Variants in FGGY observed in about 807,000 individuals in gnomAD.
FGGY encodes FGGY carbohydrate kinase domain-containing protein.
A neutral mutation model predicts 71.3 loss-of-function variants in FGGY; 72 were observed. That is an observed-to-expected ratio of 1.01 (90% CI 0.84 to 1.23). The LOEUF (loss-of-function observed/expected upper bound fraction) is 1.23, where lower values mean the gene tolerates loss of function less well. Among genes scored for constraint, FGGY ranks in the 50% most tolerant of loss-of-function variants. The pLI, the probability that FGGY is intolerant of heterozygous loss-of-function variation, is 0.00. For synonymous variants in FGGY, 251 were observed against 250.3 expected (o/e 1.00, Z -0.02); for missense variants, 668 against 682.3 (o/e 0.98, Z 0.23).
chr1:59,309,971 GAA>G lies in FGGY; in HGVS notation c.-14-11550_-14-11549del, dbSNP rs36112664. 1.9e-3 allele frequency: 225 copies of G among 120,532 alleles called. 1 individual carries two copies. Among genetic ancestry groups the G allele is most frequent in the African/African-American group, 5.8e-3 (193 of 33,010 alleles). The allele number at this position is 120,532 out of a possible 1,614,324, so 7.5% of individuals were successfully genotyped here. A position where few individuals can be genotyped will look rare whatever the true frequency, so the allele number is the denominator to read the frequency against. On this transcript the variant is annotated intron_variant, in intron 1 of 15. Coordinates refer to ENST00000303721, the MANE Select transcript of FGGY (RefSeq NM_018291.5). The stretch of plus-strand genomic sequence containing the variant: ...ACTCCAGCATGGGTGACAGAGTGAG[GAA>G]AAAAAAAAAAAAAAGCTACCAGACC...
At chr1:59,581,208 A>G (rs1196108221) in intron 8 of FGGY, among the ~76,000 whole-genome samples, 1 of 150,094 alleles carries the variant, frequency 6.7e-6, no homozygotes, top group Non-Finnish European at 1.5e-5. Context: ...AAAAATTCAC[A>G]GATGAACAAA....
At chr1:59,584,867 A>G (rs1423300355) in intron 8 of FGGY, among the ~76,000 whole-genome samples, 1 of 149,982 alleles carries the variant, frequency 6.7e-6, no homozygotes, top group Non-Finnish European at 1.5e-5. Flanking sequence ...GCATTCTTAT[A>G]CACCAGTACA....
chr1:59,534,807 G>A (rs1021895623), intron 7 of FGGY, among the ~76,000 whole-genome samples: 11 of 152,092 alleles, frequency 7.2e-5, no homozygotes, highest in East Asian at 1.9e-4. Context: ...CACCAGGCCT[G>A]CCCTAAAAGA....
chr1:59,565,575 C>T (rs184821222), intron 8 of FGGY, among the ~76,000 whole-genome samples: 11 of 152,322 alleles, frequency 7.2e-5, no homozygotes, highest in African/African-American at 1.4e-4. Context: ...TGAGCCACCG[C>T]GCCTGGCCGT....
At chr1:59,399,465 C>T (rs911542696) in intron 5 of FGGY, among the ~76,000 whole-genome samples, 1 of 152,136 alleles carries the variant, frequency 6.6e-6, no homozygotes, top group African/African-American at 2.4e-5. Context: ...AGTTAAGAAA[C>T]TTTCCCATAG....
At chr1:59,731,792 C>T (rs2098033854) in intron 14 of FGGY, among the ~76,000 whole-genome samples, 3 of 152,000 alleles carry the variant, frequency 2.0e-5, no homozygotes. Context: ...ATGATGATGC[C>T]TCTGAGTGTT....
chr1:59,748,118 C>T (rs1292779590), intron 14 of FGGY, among the ~76,000 whole-genome samples: 3 of 151,914 alleles, frequency 2.0e-5, no homozygotes, highest in African/African-American at 7.3e-5. Context: ...TAAACTTGCA[C>T]TTTCACCTTA....
intron 5 of FGGY, among the ~76,000 whole-genome samples, chr1:59,451,380 G>GTTTT (rs137934650): frequency 1.1e-4 from 16 of 146,628 alleles, no homozygotes; most frequent in Admixed American, 1.1e-3. Context: ...GTTGTTGTTT[G>GTTTT]TTTTTTTTTT....
intron 7 of FGGY, among the ~76,000 whole-genome samples, chr1:59,551,749 C>T (rs1254366591): frequency 2.0e-5 from 3 of 152,110 alleles, no homozygotes; most frequent in Non-Finnish European, 4.4e-5. Context: ...CTTCGATTTT[C>T]TTATCCATAA....
chr1:59,327,721 A>G (rs1363977043), intron 2 of FGGY, among the ~76,000 whole-genome samples: 1 of 152,214 alleles, frequency 6.6e-6, no homozygotes, highest in Non-Finnish European at 1.5e-5. Context: ...TACAAAATGT[A>G]ATTCTTAAAT....
At chr1:59,738,826 G>A (rs2098125441) in intron 14 of FGGY, among the ~76,000 whole-genome samples, 1 of 152,168 alleles carries the variant, frequency 6.6e-6, no homozygotes. Context: ...TCCATAAATG[G>A]GTTGAGAGAG....
intron 14 of FGGY, among the ~76,000 whole-genome samples, chr1:59,688,516 G>A (rs4244021): frequency 0.82 from 124,705 of 152,186 alleles, 51,560 homozygotes; most frequent in Non-Finnish European, 0.88. Flanking sequence ...ACAATATTCA[G>A]CCTTATTCAC....
At chr1:59,651,661 G>A (rs547764057) in intron 11 of FGGY, among the ~76,000 whole-genome samples, 6 of 150,948 alleles carry the variant, frequency 4.0e-5, no homozygotes, top group East Asian at 3.9e-4. Flanking sequence ...CACGTGAGAT[G>A]GGTCTCCTGA....
chr1:59,559,962 G>A (rs779546544), intron 8 of FGGY, among the ~76,000 whole-genome samples: 4 of 152,152 alleles, frequency 2.6e-5, no homozygotes, highest in Non-Finnish European at 4.4e-5. Context: ...TCAAGGAGGT[G>A]GAGCATAACT....
intron 4 of FGGY, among the ~76,000 whole-genome samples, chr1:59,370,049 A>G (rs1485279331): frequency 2.0e-5 from 3 of 152,368 alleles, no homozygotes; most frequent in Admixed American, 2.0e-4. Flanking sequence ...CAGCAATGGA[A>G]CAAAGCTGGA....
intron 10 of FGGY, among the ~76,000 whole-genome samples, chr1:59,627,206 G>T (rs1022923926): frequency 6.6e-6 from 1 of 151,720 alleles, no homozygotes; most frequent in Non-Finnish European, 1.5e-5. Context: ...AAGTAAATTT[G>T]GGAAAGAATA....
chr1:59,425,227 A>G (rs917696503), intron 5 of FGGY, among the ~76,000 whole-genome samples: 1 of 152,222 alleles, frequency 6.6e-6, no homozygotes, highest in Non-Finnish European at 1.5e-5. Context: ...CCTGGGAAAC[A>G]TGGATTATTT....
chr1:59,644,464 A>G (rs185711853), intron 11 of FGGY, among the ~76,000 whole-genome samples: 2 of 152,254 alleles, frequency 1.3e-5, no homozygotes, highest in African/African-American at 2.4e-5. Context: ...CCCACTATGT[A>G]AACATTTCTC....
intron 8 of FGGY, among the ~76,000 whole-genome samples, chr1:59,578,576 A>G (rs557442520): frequency 4.3e-4 from 66 of 152,266 alleles, no homozygotes; most frequent in Non-Finnish European, 7.9e-4. Context: ...AGTTTTAATT[A>G]TTATAATAGA....
Sources: allele counts gnomAD v4.1 joint callset (sites outside exome capture counted in the v4.1 genomes callset), GRCh38; gene constraint gnomAD v4.1.1; transcripts MANE v1.5; gene names NCBI Gene and HGNC (gene_info 2026-07-23, HGNC 2026-07-21).